The following TNFAIP8L3 variants were observed in gnomAD, a reference collection of about 807,000 sequenced individuals.
The protein encoded by TNFAIP8L3 is tumor necrosis factor alpha-induced protein 8-like protein 3.
TNFAIP8L3 carries 7 observed loss-of-function variants against 11.8 expected under a neutral mutation model. The ratio of observed to expected loss-of-function variants is 0.59; its 90% CI spans 0.34 to 1.11. The LOEUF is 1.11. TNFAIP8L3 is among the 50% of genes most tolerant of loss of function. The pLI is 0.03. For missense variants in TNFAIP8L3, 219 were observed against 258.6 expected, an observed-to-expected ratio of 0.85 and a Z score of 1.05; for synonymous variants, 98 against 103.8, an observed-to-expected ratio of 0.94 and a Z score of 0.34.
intron 1 of TNFAIP8L3, among the ~76,000 whole-genome samples, chr15:51,064,043 G>C (rs763712000): frequency 6.6e-6 from 1 of 152,142 alleles, no homozygotes; most frequent in Non-Finnish European, 1.5e-5. Flanking sequence ...GGCTCAGGAG[G>C]GTCACCGGGA....
At chr15:51,102,581 A>G (rs1270094115) in intron 1 of TNFAIP8L3, among the ~76,000 whole-genome samples, 5 of 152,160 alleles carry the variant, frequency 3.3e-5, no homozygotes, top group East Asian at 1.9e-4. Context: ...TAGAAGGGGG[A>G]AGAAATGTTC....
intron 1 of TNFAIP8L3, among the ~76,000 whole-genome samples, chr15:51,059,781 G>T (rs932375864): frequency 2.6e-5 from 4 of 152,252 alleles, no homozygotes; most frequent in Non-Finnish European, 5.9e-5. Flanking sequence ...AAGAGCTTTT[G>T]TCCAGTGCTT....
At chr15:51,085,614 T>G (rs1595616405) in intron 1 of TNFAIP8L3, among the ~76,000 whole-genome samples, 1 of 144,414 alleles carries the variant, frequency 6.9e-6, no homozygotes, top group Non-Finnish European at 1.5e-5. Context: ...CTGGAATAGC[T>G]CCGATTCTTT....
intron 1 of TNFAIP8L3, among the ~76,000 whole-genome samples, chr15:51,081,603 T>C (rs970814778): frequency 2.0e-5 from 3 of 152,230 alleles, no homozygotes; most frequent in African/African-American, 7.2e-5. Context: ...CCTCAGCCAC[T>C]CTCATTGAGT....
intron 1 of TNFAIP8L3, among the ~76,000 whole-genome samples, chr15:51,083,626 G>T (rs945082808): frequency 6.6e-6 from 1 of 152,224 alleles, no homozygotes; most frequent in Non-Finnish European, 1.5e-5. Context: ...CTGGGATGCT[G>T]CAGTGTCCTT....
intron 1 of TNFAIP8L3, among the ~76,000 whole-genome samples, chr15:51,086,762 G>C (rs560668645): frequency 1.3e-5 from 2 of 152,292 alleles, no homozygotes; most frequent in African/African-American, 4.8e-5. Flanking sequence ...CATTGTAAGT[G>C]CTTAATTAAT....
chr15:51,077,322 T>C (rs2065359280), intron 1 of TNFAIP8L3, among the ~76,000 whole-genome samples: 1 of 152,306 alleles, frequency 6.6e-6, no homozygotes, highest in Admixed American at 6.5e-5. Context: ...CAGGCCGCCC[T>C]GTGCTGACGT....
intron 1 of TNFAIP8L3, among the ~76,000 whole-genome samples, chr15:51,071,155 A>G (rs1244027546): frequency 6.6e-6 from 1 of 152,078 alleles, no homozygotes; most frequent in Non-Finnish European, 1.5e-5. Context: ...ATATACATAA[A>G]CATAAACAAA....
chr15:51,079,503 T>C (rs1410143741), intron 1 of TNFAIP8L3, among the ~76,000 whole-genome samples: 1 of 152,204 alleles, frequency 6.6e-6, no homozygotes, highest in East Asian at 1.9e-4. Context: ...CATGACATTT[T>C]ATTGAAATGC....
In TNFAIP8L3 at chr15:51,057,778, G is replaced by C; in HGVS notation, c.*103C>G. Reference sequence around the variant, plus strand: ...AGAGGGATGAACAGGAAAGAACATGGACATCTTTGACAAGGGTTTCTGCTT... The same window carrying C: ...AGAGGGATGAACAGGAAAGAACATGCACATCTTTGACAAGGGTTTCTGCTT... On this transcript the variant is annotated 3_prime_UTR_variant, in exon 2 of 2. Coordinates refer to ENST00000637513, the MANE Select transcript of TNFAIP8L3 (RefSeq NM_001311175.2). 2 of 990,938 alleles carry C rather than the reference G, an allele frequency of 2.0e-6. No individual in the cohort carries two copies. Among genetic ancestry groups the C allele is most frequent in the Non-Finnish European group, 3.0e-6 (2 of 671,676 alleles). 61.4% of individuals were successfully genotyped at this position (990,938 alleles called of 1,614,324 possible). A position where few individuals can be genotyped will look rare whatever the true frequency, so the allele number is the denominator to read the frequency against.
At chr15:51,098,654 G>A (rs1026043422), upstream of TNFAIP8L3, among the ~76,000 whole-genome samples, 1 of 152,086 alleles carries the variant, frequency 6.6e-6, no homozygotes, top group African/African-American at 2.4e-5. Context: ...TAGAAAAATT[G>A]GAAAATACAT....
intron 1 of TNFAIP8L3, among the ~76,000 whole-genome samples, chr15:51,059,444 C>G (rs941728331): frequency 2.0e-5 from 3 of 148,860 alleles, no homozygotes; most frequent in African/African-American, 7.8e-5. Context: ...TGGCATCTTA[C>G]AATTGATGGT....
At chr15:51,059,580 T>G (rs1323585524) in intron 1 of TNFAIP8L3, among the ~76,000 whole-genome samples, 1 of 152,224 alleles carries the variant, frequency 6.6e-6, no homozygotes, top group Non-Finnish European at 1.5e-5. Flanking sequence ...CCAAGGAGAT[T>G]CAAATTGCCC....
chr15:51,067,328 C>T (rs994769471), intron 1 of TNFAIP8L3, among the ~76,000 whole-genome samples: 2 of 152,102 alleles, frequency 1.3e-5, no homozygotes, highest in African/African-American at 4.8e-5. Flanking sequence ...ACAGATACCC[C>T]GAGCTTACCC....
At chr15:51,072,668 T>C (rs1244715704) in intron 1 of TNFAIP8L3, among the ~76,000 whole-genome samples, 1 of 152,234 alleles carries the variant, frequency 6.6e-6, no homozygotes, top group Non-Finnish European at 1.5e-5. Context: ...CACGATTTAT[T>C]CTATTTATTG....
rs900782894 is a variant in TNFAIP8L3 at position 51,087,917 on chromosome 15, C to T, written c.52+6627G>A. The stretch of plus-strand genomic sequence containing the variant: ...ATAAAATAAAATTTTTCTAGCATAC[C>T]TTTATATATATATATATATATATAT... On this transcript the variant is annotated intron_variant, in intron 1 of 1. Transcript: ENST00000637513. Among the ~76,000 whole-genome samples the T allele has an allele frequency of 3.0e-3, 46 of 15,540 alleles. 1 individual carries two copies. In the South Asian group the frequency reaches 0.13, roughly 45 times the overall value. 10.2% of individuals were successfully genotyped at this position (15,540 alleles called of 152,430 possible).
At chr15:51,082,512 T>C (rs2065399542) in intron 1 of TNFAIP8L3, among the ~76,000 whole-genome samples, 2 of 152,232 alleles carry the variant, frequency 1.3e-5, no homozygotes, top group Non-Finnish European at 1.5e-5. Context: ...TTATCAACAC[T>C]GTACACCTAG....
At chr15:51,062,633 A>C (rs937222913) in intron 1 of TNFAIP8L3, among the ~76,000 whole-genome samples, 1 of 152,244 alleles carries the variant, frequency 6.6e-6, no homozygotes, top group Non-Finnish European at 1.5e-5. Context: ...GCAGCCTTCC[A>C]TGAAATATTA....
chr15:51,064,073 A>G (rs1027891018), intron 1 of TNFAIP8L3, among the ~76,000 whole-genome samples: 1 of 152,192 alleles, frequency 6.6e-6, no homozygotes. Context: ...TGAAGCTTTA[A>G]AGATCAAAAG....
Sources: gnomAD v4.1 joint callset for allele counts (sites outside exome capture counted in the v4.1 genomes callset) on GRCh38, gnomAD v4.1.1 for gene constraint, MANE v1.5 for transcripts, NCBI Gene and HGNC (gene_info 2026-07-23, HGNC 2026-07-21) for gene names.